Variants in GRIPAP1 observed in about 807,000 individuals in gnomAD.
GRIPAP1 encodes GRIP1-associated protein 1.
Under a neutral mutation model 84.1 loss-of-function variants are expected in GRIPAP1, and 14 were observed. The observed-to-expected ratio is 0.17, with a 90% confidence interval of 0.11 to 0.26. The LOEUF is 0.26. GRIPAP1 is among the 10% of genes least tolerant of loss of function. The pLI is 1.00. For missense variants in GRIPAP1, 518 were observed against 674.2 expected, an observed-to-expected ratio of 0.77 and a Z score of 2.57; for synonymous variants, 261 against 256.8, an observed-to-expected ratio of 1.02 and a Z score of -0.15.
chrX:48,999,367 G>A, intron 2 of GRIPAP1, 68 bp from the exon 3 acceptor site: 2 of 1,123,644 alleles, frequency 1.8e-6, no homozygotes, highest in South Asian at 1.8e-5. Flanking sequence ...CTTCCTGCCA[G>A]GCCTCTGAGG....
Position 48,991,160 on chromosome X carries a change from C to T in GRIPAP1, c.458-50G>A, listed in dbSNP as rs782064255. On this transcript the variant is annotated intron_variant, in intron 6 of 25. Transcript: ENST00000376423. The stretch of plus-strand genomic sequence containing the variant: ...GATGGATGAGGTGGTCTCTGAAGTC[C>T]CTTGCCATGCCTCGAATAGAGGGAG... The T allele has an allele frequency of 3.3e-6, 3 of 907,977 alleles. No individual in the cohort carries two copies. The South Asian group carries it at 6.0e-5, about 18-fold the overall frequency. The allele number at this position is 907,977 out of a possible 1,213,427, so 74.8% of individuals were successfully genotyped here.
chrX:48,989,184 A>T (rs782068756), intron 11 of GRIPAP1, among the ~76,000 whole-genome samples: 2 of 111,232 alleles, frequency 1.8e-5, no homozygotes, highest in South Asian at 3.8e-4. Flanking sequence ...TGAAAGTTGT[A>T]TATCTACCCA....
rs782183189 is a variant in GRIPAP1, at chrX:48,999,440, A to G, written c.107T>C (p.Val36Ala). The G allele has an allele frequency of 5.8e-5, 69 of 1,198,178 alleles. No individual in the cohort carries two copies. Among genetic ancestry groups the G allele is most frequent in the Non-Finnish European group, 7.5e-5 (66 of 884,839 alleles). Residue 36 changes from valine to alanine, a missense_variant and splice_region_variant, in exon 2 of 26, where the codon GTT (valine) becomes GCT (alanine). Around this residue, in one of 5 missense-constraint regions of GRIPAP1, gnomAD observed 372 missense variants for 458.1 expected, o/e 0.81. Coordinates refer to ENST00000376423, the MANE Select transcript of GRIPAP1 (RefSeq NM_020137.5). The stretch of plus-strand genomic sequence containing the variant: ...CTAATAAGGCCCTCCTGGCTCACCA[A>G]CACCATTCTTGCGTAGTTCATCTGA... The part of the protein sequence containing the change: ...QLSDELRKNG[V>A]ELTSLRQKVA...
intron 1 of GRIPAP1, among the ~76,000 whole-genome samples, chrX:49,001,358 C>G (rs1166623462): frequency 1.1e-5 from 1 of 92,366 alleles, no homozygotes; most frequent in East Asian, 3.8e-4. Flanking sequence ...CTGTTCAGAC[C>G]CCCCCCCCAG....
Position 49,002,259 on chromosome X carries a change from C to T in GRIPAP1, c.-30G>A. 3.0e-6 allele frequency: 3 copies of T among 992,796 alleles called. No individual in the cohort carries two copies. The highest frequency in any genetic ancestry group is 4.2e-6 in the Non-Finnish European group (3 of 708,796). 81.8% of individuals were successfully genotyped at this position (992,796 alleles called of 1,213,427 possible). On this transcript the variant is annotated 5_prime_UTR_variant, in exon 1 of 26. Transcript: ENST00000376423. ...CTCCCCCCACCCCCCCGCCAGCTTT[C>T]TGCGCAGACGCAGCTCGCGCCTCCT...
chrX:48,999,945 G>T (rs2064568386), intron 1 of GRIPAP1, among the ~76,000 whole-genome samples: 1 of 111,090 alleles, frequency 9.0e-6, no homozygotes, highest in African/African-American at 3.3e-5. Flanking sequence ...GGGGTTAAGG[G>T]CCTGTCTTCC....
At chrX:48,988,027 C>G in intron 12 of GRIPAP1, 94 bp downstream of exon 12, 3 of 720,183 alleles carry the variant, frequency 4.2e-6, no homozygotes, top group Non-Finnish European at 6.3e-6. Flanking sequence ...CTGGGGGAAG[C>G]AGGATCCCTG....
intron 13 of GRIPAP1, among the ~76,000 whole-genome samples, chrX:48,986,227 A>T (rs1602472480): frequency 1.6e-5 from 1 of 61,310 alleles, no homozygotes; most frequent in South Asian, 1.4e-3. Flanking sequence ...GGACAACAAG[A>T]CCGAAACTCC....
intron 4 of GRIPAP1, 95 bp downstream of exon 4, chrX:48,998,059 A>G (rs1206452058): frequency 1.5e-6 from 1 of 654,467 alleles, no homozygotes; most frequent in Non-Finnish European, 2.6e-6. Flanking sequence ...AAAGGCACAC[A>G]AAGAAAGAAA....
At position 48,987,841 on chromosome X, in the gene GRIPAP1, C is replaced by G; in HGVS notation, c.985G>C (p.Glu329Gln). 1 of 1,205,181 alleles carries G rather than the reference C, an allele frequency of 8.3e-7. No homozygotes were observed. Among genetic ancestry groups the G allele is most frequent in the Non-Finnish European group, 1.1e-6 (1 of 890,987 alleles). Residue 329 changes from glutamate (E) to glutamine (Q), a missense_variant, in exon 13 of 26, where the codon GAA becomes CAA. Physicochemically the swap from Glu to Gln is conservative, Grantham distance 29. Around this residue, in one of 5 missense-constraint regions of GRIPAP1, gnomAD observed 372 missense variants for 458.1 expected, o/e 0.81. Coordinates refer to ENST00000376423, the MANE Select transcript of GRIPAP1 (RefSeq NM_020137.5). ...GCATTGTTCTCAGCCAAAAGCCCTT[C>G]CACTTGTTCCTGTGCATCTGCACTC... is the stretch of plus-strand genomic sequence containing the variant. Reference protein sequence around the residue: ...IQSADAQEQVEGLLAENNALR... With the variant: ...IQSADAQEQVQGLLAENNALR...
chrX:48,996,766 A>G (rs1557066820), intron 5 of GRIPAP1, among the ~76,000 whole-genome samples: 1 of 112,154 alleles, frequency 8.9e-6, no homozygotes, highest in Non-Finnish European at 1.9e-5. Context: ...TGCCCAGTAG[A>G]TTTAGAAACA....
intron 9 of GRIPAP1, 41 bp downstream of exon 9, chrX:48,989,931 C>A: frequency 2.5e-6 from 3 of 1,194,955 alleles, no homozygotes; most frequent in Non-Finnish European, 3.4e-6. Flanking sequence ...TAAGTTAATT[C>A]CCCCCTCGGC....
At chrX:48,986,337 C>A (rs1228913033) in intron 13 of GRIPAP1, among the ~76,000 whole-genome samples, 1 of 110,220 alleles carries the variant, frequency 9.1e-6, no homozygotes, top group Non-Finnish European at 1.9e-5. Flanking sequence ...TAGCTTGAGG[C>A]CAGAAGTTTA....
chrX:48,977,011 T>C (rs1557060671), intron 22 of GRIPAP1: 4 of 109,901 alleles, frequency 3.6e-5, no homozygotes, highest in Non-Finnish European at 7.6e-5. Flanking sequence ...GATCAAGCGA[T>C]TCTCCTGCCT....
chrX:48,993,259 TAGATGATAAGGCTTTGGCTCAGAGAG>T (rs1436317553), intron 6 of GRIPAP1, among the ~76,000 whole-genome samples, 143 bp downstream of exon 6: 1 of 113,178 alleles, frequency 8.8e-6, no homozygotes, highest in Non-Finnish European at 1.9e-5. Flanking sequence ...ATGCACTGTG[TAGATGATAAGGCTTTGGCTCAGAGAG>T]GTGAAATGGC....
intron 3 of GRIPAP1, among the ~76,000 whole-genome samples, chrX:48,998,770 A>G (rs782727918): frequency 8.9e-6 from 1 of 112,116 alleles, no homozygotes; most frequent in Non-Finnish European, 1.9e-5. Context: ...ATGGGGACAG[A>G]GCAGTGACAA....
intron 14 of GRIPAP1, among the ~76,000 whole-genome samples, chrX:48,984,760 C>T (rs1232592970): frequency 2.0e-5 from 2 of 98,169 alleles, no homozygotes; most frequent in African/African-American, 3.9e-5. Flanking sequence ...TGGTGGCTCA[C>T]GCCTGTAATA....
In GRIPAP1 at chrX:48,999,492, C is replaced by G. The variant is rs1557067802; in HGVS notation, c.55G>C (p.Glu19Gln). The G allele has an allele frequency of 5.0e-6, 6 of 1,203,726 alleles. No homozygotes were observed. The highest frequency in any genetic ancestry group is 1.8e-5 in the South Asian group (1 of 56,774). The part of the protein sequence containing the change: ...EFQRMQAQLL[E>Q]LRTNNYQLSD... ...AGCTGGTAGTTGTTTGTCCGGAGTT[C>G]CAGGAGCTGAGCCTTTGGGGGAGGC... Residue 19 changes from glutamate to glutamine, a missense_variant, in exon 2 of 26, where the codon GAA (glutamate) becomes CAA (glutamine). Transcript: ENST00000376423.
chrX:49,001,104 T>A (rs1217173428), intron 1 of GRIPAP1: 3 of 110,378 alleles, frequency 2.7e-5, no homozygotes, highest in Non-Finnish European at 5.7e-5. Flanking sequence ...CCAGTCATGA[T>A]CCATTGGGAA....
Sources: gnomAD v4.1 joint callset for allele counts (sites outside exome capture counted in the v4.1 genomes callset) on GRCh38, gnomAD v4.1.1 for gene constraint, gnomAD v4.1.1 regional missense constraint, MANE v1.5 for transcripts, NCBI Gene and HGNC (gene_info 2026-07-23, HGNC 2026-07-21) for gene names.